MCC: variants seen among roughly 807,000 people sequenced by gnomAD.
MCC encodes colorectal mutant cancer protein.
Under a neutral mutation model 116.2 loss-of-function variants are expected in MCC, and 90 were observed. The observed-to-expected ratio is 0.77, with a 90% CI of 0.65 to 0.92. The LOEUF is 0.92. Ranked by LOEUF, MCC falls within the 40% of genes least tolerant of loss-of-function variation. The probability of loss-of-function intolerance (pLI) is 0.00; values close to 1 mark genes in which losing one functional copy is unlikely to be tolerated. For synonymous variants in MCC, 578 were observed against 510.5 expected, an observed-to-expected ratio of 1.13 and a Z score of -1.78; for missense variants, 1,516 against 1,312.2, an observed-to-expected ratio of 1.16 and a Z score of -2.40.
chr5:113,229,260 C>T (rs946966123), intron 3 of MCC, among the ~76,000 whole-genome samples: 12 of 152,208 alleles, frequency 7.9e-5, no homozygotes, highest in South Asian at 6.2e-4. Context: ...TCTGGCCACA[C>T]TGTTACACCT....
chr5:113,226,505 G>A (rs1174513427), intron 3 of MCC, among the ~76,000 whole-genome samples: 1 of 152,212 alleles, frequency 6.6e-6, no homozygotes, highest in African/African-American at 2.4e-5. Flanking sequence ...TCAAATGACA[G>A]CTTTTATTTT....
intron 6 of MCC, among the ~76,000 whole-genome samples, chr5:113,111,414 TGCCCTGCGATGGGATGGCAC>T (rs1757089265): frequency 6.6e-6 from 1 of 152,166 alleles, no homozygotes; most frequent in Non-Finnish European, 1.5e-5. Flanking sequence ...TGAATGTGTG[TGCCCTGCGATGGGATGGCAC>T]CTGGCCGGGG....
intron 3 of MCC, among the ~76,000 whole-genome samples, chr5:113,255,459 C>G (rs773613348): frequency 6.6e-6 from 1 of 152,142 alleles, no homozygotes; most frequent in Non-Finnish European, 1.5e-5. Context: ...CTTAAGACTT[C>G]GGTTGCATAT....
chr5:113,445,334 A>G (rs547001395), intron 1 of MCC, among the ~76,000 whole-genome samples: 6 of 152,168 alleles, frequency 3.9e-5, no homozygotes, highest in Non-Finnish European at 7.4e-5. Context: ...AATTCTATAC[A>G]TAAAGAATCC....
chr5:113,083,401 T>C (rs1754996607), intron 10 of MCC, among the ~76,000 whole-genome samples: 1 of 152,200 alleles, frequency 6.6e-6, no homozygotes, highest in African/African-American at 2.4e-5. Context: ...GGCTGACTCC[T>C]TCATTTTCAC....
chr5:113,329,274 G>A (rs1207474021), intron 3 of MCC, among the ~76,000 whole-genome samples: 2 of 152,116 alleles, frequency 1.3e-5, no homozygotes, highest in Non-Finnish European at 2.9e-5. Context: ...TGCTATGAGG[G>A]TCCAGGTGTT....
intron 15 of MCC, among the ~76,000 whole-genome samples, chr5:113,050,598 G>A (rs897129920): frequency 2.0e-5 from 3 of 152,238 alleles, no homozygotes; most frequent in African/African-American, 4.8e-5. Context: ...AAGCCAGAAT[G>A]AAAGGTGTGC....
chr5:113,197,803 C>T (rs1208257387), intron 3 of MCC, among the ~76,000 whole-genome samples: 2 of 152,362 alleles, frequency 1.3e-5, no homozygotes, highest in East Asian at 1.9e-4. Context: ...CACAGGGGAA[C>T]TGTGAAGCCA....
chr5:113,474,628 T>C (rs1772186539), intron 1 of MCC, among the ~76,000 whole-genome samples: 1 of 152,124 alleles, frequency 6.6e-6, no homozygotes, highest in Non-Finnish European at 1.5e-5. Context: ...TATAGAAAAA[T>C]GACTTCAGTG....
Position 113,025,808 on chromosome 5 carries a change from G to A in MCC, c.*1494C>T, listed in dbSNP as rs1057014067. On this transcript the variant is annotated 3_prime_UTR_variant, in exon 19 of 19. Transcript: ENST00000408903. ...TGTCTGCCCTCCGAACTGGTGGCTG[G>A]AGTATCCTCCAGCGAACAGAAGGCT... 8.5e-5 allele frequency: 13 copies of A among 152,122 alleles called. No individual in the cohort carries two copies. The highest frequency in any genetic ancestry group is 2.9e-4 in the African/African-American group (12 of 41,408). 9.4% of individuals were successfully genotyped at this position (152,122 alleles called of 1,614,324 possible). A position where few individuals can be genotyped will look rare whatever the true frequency, so the allele number is the denominator to read the frequency against.
chr5:113,356,621 T>C (rs966460186), intron 2 of MCC, among the ~76,000 whole-genome samples: 1 of 152,152 alleles, frequency 6.6e-6, no homozygotes, highest in African/African-American at 2.4e-5. Context: ...ACATTTGCCC[T>C]GCTGGGTACT....
intron 1 of MCC, among the ~76,000 whole-genome samples, chr5:113,443,991 TTGTGTGTGTG>T (rs34145955): frequency 3.5e-5 from 5 of 144,084 alleles, no homozygotes; most frequent in South Asian, 2.3e-4. Flanking sequence ...CTCGGCTAAT[TTGTGTGTGTG>T]TGTGTGTGTG....
At chr5:113,265,422 G>A (rs1765384291) in intron 3 of MCC, among the ~76,000 whole-genome samples, 1 of 152,156 alleles carries the variant, frequency 6.6e-6, no homozygotes, top group Non-Finnish European at 1.5e-5. Flanking sequence ...GAAGGGTAGA[G>A]CAGCTTTCTC....
chr5:113,275,970 G>GT (rs34159294), intron 3 of MCC, among the ~76,000 whole-genome samples: 3,748 of 130,428 alleles, frequency 0.029, 53 homozygotes, highest in Middle Eastern at 0.042. Flanking sequence ...CACTTGTTTT[G>GT]TTTTTTTTTT....
chr5:113,347,674 C>T (rs891023883), intron 2 of MCC, among the ~76,000 whole-genome samples: 1 of 151,760 alleles, frequency 6.6e-6, no homozygotes, highest in African/African-American at 2.4e-5. Flanking sequence ...AAGAGAAGGC[C>T]ACAAAATAAT....
chr5:113,083,140 A>G (rs1055035378), intron 10 of MCC, 132 bp from the exon 11 acceptor site: 26 of 762,186 alleles, frequency 3.4e-5, no homozygotes, highest in African/African-American at 7.0e-5. Flanking sequence ...GAAGGTTCTC[A>G]GTTTGTAGGA....
intron 6 of MCC, among the ~76,000 whole-genome samples, chr5:113,121,029 A>G (rs4454046): frequency 0.95 from 144,395 of 152,304 alleles, 68,825 homozygotes; most frequent in East Asian, 1. Flanking sequence ...TGGCCCTGTT[A>G]TCCATCTGTT....
chr5:113,276,947 T>C (rs1035042203), intron 3 of MCC, among the ~76,000 whole-genome samples: 4 of 151,280 alleles, frequency 2.6e-5, no homozygotes, highest in African/African-American at 9.7e-5. Context: ...CCAAAAGGAA[T>C]CAAGTTTTTA....
chr5:113,439,818 C>G (rs1770981112), intron 1 of MCC, among the ~76,000 whole-genome samples: 1 of 152,214 alleles, frequency 6.6e-6, no homozygotes, highest in South Asian at 2.1e-4. Context: ...GGCTAGCACA[C>G]AGTGGCTACT....
Sources: gnomAD v4.1 joint callset for allele counts (sites outside exome capture counted in the v4.1 genomes callset) on GRCh38, gnomAD v4.1.1 for gene constraint, MANE v1.5 for transcripts, NCBI Gene and HGNC (gene_info 2026-07-23, HGNC 2026-07-21) for gene names.